The following SLC35F2 variants were observed in gnomAD, a reference collection of about 807,000 sequenced individuals.
SLC35F2 encodes the protein queuine/queuosine transporter SLC35F2.
SLC35F2 carries 25 observed loss-of-function variants against 38.1 expected under a neutral mutation model. The ratio of observed to expected loss-of-function variants is 0.66; its 90% confidence interval spans 0.48 to 0.92. SLC35F2 has a LOEUF of 0.92. Among genes scored for constraint, SLC35F2 ranks in the 40% least tolerant of loss-of-function variants. The probability of loss-of-function intolerance (pLI) is 0.00; values close to 1 mark genes in which losing one functional copy is unlikely to be tolerated. For missense variants in SLC35F2, 409 were observed against 452.9 expected (o/e 0.90, Z 0.88); for synonymous variants, 173 against 181.7 (o/e 0.95, Z 0.38).
chr11:107,797,922 T>G (rs1859246252), intron 7 of SLC35F2, among the ~76,000 whole-genome samples: 1 of 152,236 alleles, frequency 6.6e-6, no homozygotes, highest in Non-Finnish European at 1.5e-5. Flanking sequence ...AAAAATTGAT[T>G]CAGAGAATAT....
rs1859400084 is a variant in SLC35F2 at position 107,806,850 on chromosome 11, C to T, written c.441G>A (p.Val147=). 2 of 1,614,028 alleles carry T rather than the reference C, an allele frequency of 1.2e-6. No homozygotes were observed. Among genetic ancestry groups the T allele is most frequent in the African/African-American group, 2.7e-5 (2 of 75,024 alleles). The change falls in exon 4 of 8, where the codon GTG becomes GTA. Residue 147 remains valine, a synonymous_variant. Transcript: ENST00000525815. ...VQLLDCFGIP[V]LMALSWFILH... Reference sequence around the variant, plus strand: ...GAATAAACCATGACAGAGCCATCAACACAGGAATCCCAAAGCAATCCAAAA... The same window carrying T: ...GAATAAACCATGACAGAGCCATCAATACAGGAATCCCAAAGCAATCCAAAA...
At chr11:107,810,340 G>GT (rs1472665949) in intron 3 of SLC35F2, 2 of 984,954 alleles carry the variant, frequency 2.0e-6, no homozygotes, top group African/African-American at 3.5e-5. Flanking sequence ...CTATCCAACT[G>GT]TAAGTGTTCT....
At chr11:107,818,616 T>C (rs1041752185) in intron 1 of SLC35F2, among the ~76,000 whole-genome samples, 1 of 152,232 alleles carries the variant, frequency 6.6e-6, no homozygotes, top group African/African-American at 2.4e-5. Flanking sequence ...ACTTCTGCAA[T>C]TGTGGTTTTG....
At position 107,804,718 on chromosome 11, in the gene SLC35F2, C is replaced by A. The variant is rs867238092; in HGVS notation, c.784G>T (p.Ala262Ser). 6.3e-7 allele frequency: 1 copy of A among 1,598,374 alleles called. No homozygotes were observed. Among genetic ancestry groups the A allele is most frequent in the Non-Finnish European group, 8.5e-7 (1 of 1,170,790 alleles). Reference sequence around the variant, plus strand: ...TAAAAGGAATTATTTCTTTACATACCAATTTTCCAGTCCCAATGAATGCTG... The same window carrying A: ...TAAAAGGAATTATTTCTTTACATACAAATTTTCCAGTCCCAATGAATGCTG... The part of the protein sequence containing the change: ...IASIHWDWKI[A>S]LLFVAFALCM... The change falls in exon 6 of 8, where the codon GCC becomes TCC. Residue 262 changes from alanine to serine, a missense_variant and splice_region_variant. Ala to Ser is a moderately conservative substitution (Grantham distance 99). Coordinates refer to ENST00000525815, the MANE Select transcript of SLC35F2 (RefSeq NM_017515.5).
chr11:107,805,439 T>C lies in SLC35F2; in HGVS notation c.651A>G (p.Glu217=). ...GTCTGCTCAGCTTCTTCACGATGTA[T>C]TCCTCACAAACATTTGAAATGGCAT... ...SLYAISNVCE[E]YIVKKLSRQE... is the part of the protein sequence containing the mutation. The change falls in exon 5 of 8, where the codon GAA becomes GAG. Residue 217 remains glutamate (E), a synonymous_variant. Coordinates refer to ENST00000525815, the MANE Select transcript of SLC35F2 (RefSeq NM_017515.5). 6.2e-7 allele frequency: 1 copy of C among 1,614,138 alleles called. No individual in the cohort carries two copies. The highest frequency in any genetic ancestry group is 8.5e-7 in the Non-Finnish European group (1 of 1,180,016).
chr11:107,858,303 C>T (rs1017425782), intron 1 of SLC35F2, among the ~76,000 whole-genome samples: 5 of 152,252 alleles, frequency 3.3e-5, no homozygotes, highest in African/African-American at 1.2e-4. Context: ...ACCTGCCCAG[C>T]CCGAGGTGGG....
rs1859380399 is a variant in SLC35F2 at position 107,805,704 on chromosome 11, G to A, written c.575-189C>T. ...TGTGTGTATGTGTGTGTTTGAGACA[G>A]TCTTGCTCTGTTGCTCAGGCTGGAG... On this transcript the variant is annotated intron_variant, in intron 4 of 7. Transcript: ENST00000525815. 12 of 978,672 alleles carry A rather than the reference G, an allele frequency of 1.2e-5. No individual in the cohort carries two copies. The South Asian group carries it at 2.4e-4, about 19-fold the overall frequency. 60.6% of individuals were successfully genotyped at this position (978,672 alleles called of 1,614,324 possible).
At chr11:107,802,897 G>A in intron 7 of SLC35F2, 104 bp downstream of exon 7, 1 of 1,145,280 alleles carries the variant, frequency 8.7e-7, no homozygotes, top group Non-Finnish European at 1.2e-6. Flanking sequence ...TTCTTGCCAA[G>A]AAGATGAGAA....
At chr11:107,804,662 G>A in intron 6 of SLC35F2, 56 bp downstream of exon 6, 1 of 1,227,410 alleles carries the variant, frequency 8.1e-7, no homozygotes, top group Non-Finnish European at 1.2e-6. Flanking sequence ...CATATTTCTA[G>A]ATGTTCATTT....
At chr11:107,827,341 G>A (rs867681020) in intron 1 of SLC35F2, among the ~76,000 whole-genome samples, 3 of 152,136 alleles carry the variant, frequency 2.0e-5, no homozygotes, top group African/African-American at 4.8e-5. Context: ...GGAGCTGGGC[G>A]TGGTGGCTCA....
intron 4 of SLC35F2, 169 bp downstream of exon 4, chr11:107,806,548 T>A: frequency 1.6e-6 from 1 of 634,512 alleles, no homozygotes; most frequent in South Asian, 1.7e-5. Flanking sequence ...AGACCTCAAT[T>A]AGATTTTATA....
intron 7 of SLC35F2, among the ~76,000 whole-genome samples, chr11:107,800,296 T>C (rs1387795254): frequency 6.8e-6 from 1 of 147,162 alleles, no homozygotes; most frequent in African/African-American, 2.6e-5. Flanking sequence ...TTCCTTCACA[T>C]GTAACCTTGC....
At chr11:107,820,238 G>A (rs1463618608) in intron 1 of SLC35F2, among the ~76,000 whole-genome samples, 1 of 140,050 alleles carries the variant, frequency 7.1e-6, no homozygotes, top group East Asian at 2.0e-4. Context: ...CTGGGCAAAA[G>A]AGTGAGAGTT....
intron 7 of SLC35F2, among the ~76,000 whole-genome samples, chr11:107,801,285 T>C (rs1411736643): frequency 6.6e-6 from 1 of 152,188 alleles, no homozygotes; most frequent in Admixed American, 6.5e-5. Context: ...CACAATGAAA[T>C]GTTCTAGAAG....
intron 1 of SLC35F2, among the ~76,000 whole-genome samples, chr11:107,824,306 A>G (rs545709141): frequency 2.0e-4 from 31 of 152,354 alleles, no homozygotes; most frequent in South Asian, 8.3e-4. Context: ...CAAAAAATGC[A>G]CTATTATGAA....
intron 1 of SLC35F2, among the ~76,000 whole-genome samples, chr11:107,818,639 T>C (rs1859620367): frequency 6.6e-6 from 1 of 152,232 alleles, no homozygotes; most frequent in Non-Finnish European, 1.5e-5. Context: ...CAACATGGTT[T>C]GAGAGGGCCA....
chr11:107,824,795 T>G lies in SLC35F2; in HGVS notation c.111-8830A>C, dbSNP rs950465595. Among the ~76,000 whole-genome samples the G allele has an allele frequency of 4.6e-5, 7 of 152,376 alleles. No homozygotes were observed. The East Asian group carries it at 1.2e-3, about 25-fold the overall frequency. On this transcript the variant is annotated intron_variant, in intron 1 of 7. Transcript: ENST00000525815. Reference sequence around the variant, plus strand: ...CTTCCTTCCTCTGGCTCGCCCTGTCTTTTGGTAACCTCTTGACCATACCTG... The same window carrying G: ...CTTCCTTCCTCTGGCTCGCCCTGTCGTTTGGTAACCTCTTGACCATACCTG...
At position 107,798,799 on chromosome 11, in the gene SLC35F2, G is replaced by A. The variant is rs114365008; in HGVS notation, c.939+4202C>T. 9.9e-3 allele frequency among the ~76,000 whole-genome samples: 1,503 copies of A among 152,272 alleles called. 32 individuals carry two copies. The highest frequency in any genetic ancestry group is 0.034 in the African/African-American group (1,432 of 41,544). ...CCTTTAAAAACTACTTCTTGGCCAG[G>A]CTCAGTGGCTCATGCCCTGTGGTCC... On this transcript the variant is annotated intron_variant, in intron 7 of 7. Coordinates refer to ENST00000525815, the MANE Select transcript of SLC35F2 (RefSeq NM_017515.5).
chr11:107,833,518 C>CA (rs34376803), intron 1 of SLC35F2, among the ~76,000 whole-genome samples: 38,120 of 89,204 alleles, frequency 0.43, 7,582 homozygotes, highest in East Asian at 0.59. Flanking sequence ...GACTCTGTCT[C>CA]AAAAAAAAAA....
Sources: gnomAD v4.1 joint callset for allele counts (sites outside exome capture counted in the v4.1 genomes callset) on GRCh38, gnomAD v4.1.1 for gene constraint, MANE v1.5 for transcripts, NCBI Gene and HGNC (gene_info 2026-07-23, HGNC 2026-07-21) for gene names.